ALX4: variants seen among roughly 807,000 people sequenced by gnomAD.
The protein encoded by ALX4 is homeobox protein aristaless-like 4.
A neutral mutation model predicts 40.6 loss-of-function variants in ALX4; 22 were observed. The observed-to-expected ratio is 0.54, with a 90% CI of 0.39 to 0.77. The LOEUF (loss-of-function observed/expected upper bound fraction) is 0.77, where lower values mean the gene tolerates loss of function less well. Ranked by LOEUF, ALX4 falls within the 30% of genes least tolerant of loss-of-function variation. ALX4 has a pLI of 0.00. For missense variants in ALX4, 556 were observed against 564.8 expected, an observed-to-expected ratio of 0.98 and a Z score of 0.16; for synonymous variants, 266 against 240.5, an observed-to-expected ratio of 1.11 and a Z score of -0.98.
chr11:44,269,395 G>A (rs190999932), intron 2 of ALX4, among the ~76,000 whole-genome samples: 333 of 152,342 alleles, frequency 2.2e-3, no homozygotes, highest in Non-Finnish European at 4.0e-3. Flanking sequence ...GGTCAAGGAA[G>A]ATGGGGATGT....
At chr11:44,291,116 G>A (rs1312113849) in intron 1 of ALX4, among the ~76,000 whole-genome samples, 1 of 152,118 alleles carries the variant, frequency 6.6e-6, no homozygotes, top group Admixed American at 6.5e-5. Flanking sequence ...GTAGCTCCCA[G>A]GGTCCCTTTC....
At chr11:44,276,318 G>A (rs1395938907) in intron 1 of ALX4, among the ~76,000 whole-genome samples, 1 of 152,216 alleles carries the variant, frequency 6.6e-6, no homozygotes, top group Non-Finnish European at 1.5e-5. Flanking sequence ...GCATGGGATT[G>A]AGGCATGGGC....
intron 1 of ALX4, among the ~76,000 whole-genome samples, chr11:44,296,792 T>C (rs1224967126): frequency 6.6e-6 from 1 of 152,042 alleles, no homozygotes. Flanking sequence ...GTGGATCACC[T>C]GAGGTCAGGA....
chr11:44,276,477 C>T (rs1051017551), intron 1 of ALX4, among the ~76,000 whole-genome samples: 4 of 152,172 alleles, frequency 2.6e-5, no homozygotes, highest in East Asian at 1.9e-4. Flanking sequence ...CCCCACCCAC[C>T]GGCACATTCC....
At chr11:44,278,502 G>T (rs2135316504) in intron 1 of ALX4, among the ~76,000 whole-genome samples, 1 of 152,274 alleles carries the variant, frequency 6.6e-6, no homozygotes, top group Admixed American at 6.5e-5. Context: ...CGGCCTGGGG[G>T]CAGCCTCTCA....
intron 1 of ALX4, among the ~76,000 whole-genome samples, chr11:44,305,683 G>C (rs964199379): frequency 6.6e-6 from 1 of 152,258 alleles, no homozygotes. Context: ...TAACCACTGA[G>C]TCTAATTCGA....
At chr11:44,280,190 C>T (rs909691213) in intron 1 of ALX4, among the ~76,000 whole-genome samples, 4 of 152,168 alleles carry the variant, frequency 2.6e-5, no homozygotes, top group African/African-American at 9.7e-5. Flanking sequence ...GAAGAAAGAC[C>T]CAGACAGACC....
chr11:44,270,671 C>A (rs10769026), intron 2 of ALX4, among the ~76,000 whole-genome samples: 99,654 of 151,954 alleles, frequency 0.66, 33,219 homozygotes, highest in East Asian at 0.87. Context: ...CTGTGCCTCC[C>A]AGCTCTGCAC....
rs760091330 is a variant in ALX4, at chr11:44,263,673, G to A, written c.*1181C>T. Reference sequence around the variant, plus strand: ...GGGCAGCGATGACACTGACAGATATGGCAGGGAGGACAGTCAGTTTGAGGC... The same window carrying A: ...GGGCAGCGATGACACTGACAGATATAGCAGGGAGGACAGTCAGTTTGAGGC... On this transcript the variant is annotated 3_prime_UTR_variant, in exon 4 of 4. Coordinates refer to ENST00000652299, the MANE Select transcript of ALX4 (RefSeq NM_021926.4). The A allele has an allele frequency of 1.3e-5, 2 of 152,354 alleles. No individual in the cohort carries two copies. The highest frequency in any genetic ancestry group is 2.9e-5 in the Non-Finnish European group (2 of 68,114). 9.4% of individuals were successfully genotyped at this position (152,354 alleles called of 1,614,324 possible).
rs552547493 is a variant in ALX4 at position 44,278,159 on chromosome 11, T to C, written c.467-2501A>G. 5.9e-5 allele frequency among the ~76,000 whole-genome samples: 9 copies of C among 152,104 alleles called. No individual in the cohort carries two copies. The South Asian group carries it at 1.7e-3, about 28-fold the overall frequency. The stretch of plus-strand genomic sequence containing the variant: ...CCCCAGGCCCCATCTCACAGCCCCA[T>C]AGACGCTTGCTGGGGATTGGGACCA... On this transcript the variant is annotated intron_variant, in intron 1 of 3. Coordinates refer to ENST00000652299, the MANE Select transcript of ALX4 (RefSeq NM_021926.4).
Position 44,264,508 on chromosome 11 carries a change from G to A in ALX4, c.*346C>T. The A allele has an allele frequency of 2.9e-6, 1 of 342,126 alleles. No homozygotes were observed. The highest frequency in any genetic ancestry group is 6.0e-5 in the East Asian group (1 of 16,610). 21.2% of individuals were successfully genotyped at this position (342,126 alleles called of 1,614,324 possible). On this transcript the variant is annotated 3_prime_UTR_variant, in exon 4 of 4. Coordinates refer to ENST00000652299, the MANE Select transcript of ALX4 (RefSeq NM_021926.4). ...TGGGTCTGCATGGAAATCTAGCATT[G>A]ACTCATGGTCAACTAGGCAGAGCAG...
At chr11:44,294,459 G>A (rs189130058) in intron 1 of ALX4, among the ~76,000 whole-genome samples, 6 of 152,358 alleles carry the variant, frequency 3.9e-5, no homozygotes, top group East Asian at 3.9e-4. Flanking sequence ...AGCAGGGAGA[G>A]AGTTATTCCC....
chr11:44,281,549 T>C (rs1329386573), intron 1 of ALX4, among the ~76,000 whole-genome samples: 5 of 151,992 alleles, frequency 3.3e-5, no homozygotes, highest in Non-Finnish European at 7.4e-5. Flanking sequence ...TCGGGTGAGC[T>C]GGCCCCACAC....
intron 1 of ALX4, among the ~76,000 whole-genome samples, chr11:44,282,372 C>T (rs753163197): frequency 1.3e-5 from 2 of 152,132 alleles, no homozygotes; most frequent in African/African-American, 2.4e-5. Context: ...ATGGAGCACC[C>T]GGAACTCCCA....
rs1956179052 is a variant in ALX4 at position 44,261,000 on chromosome 11, G to A, written c.*3854C>T. 6.6e-6 allele frequency: 1 copy of A among 152,228 alleles called. No individual in the cohort carries two copies. Among genetic ancestry groups the A allele is most frequent in the South Asian group, 2.1e-4 (1 of 4,830 alleles). The allele number at this position is 152,228 out of a possible 1,614,324, so 9.4% of individuals were successfully genotyped here. ...TGTGTGTGAGTGAAGAGGGAAGAAA[G>A]GAGAGGCCGAGGTTAGGTCATGGAA... On this transcript the variant is annotated 3_prime_UTR_variant, in exon 4 of 4. Coordinates refer to ENST00000652299, the MANE Select transcript of ALX4 (RefSeq NM_021926.4).
At chr11:44,287,931 TTA>T (rs1397568854) in intron 1 of ALX4, among the ~76,000 whole-genome samples, 1 of 152,236 alleles carries the variant, frequency 6.6e-6, no homozygotes, top group Non-Finnish European at 1.5e-5. Flanking sequence ...ACTGAAGTAC[TTA>T]GAGGCAAAGA....
intron 1 of ALX4, among the ~76,000 whole-genome samples, chr11:44,295,218 C>A (rs1040473533): frequency 1.4e-4 from 22 of 152,096 alleles, no homozygotes; most frequent in African/African-American, 5.3e-4. Flanking sequence ...GATTCTTATC[C>A]CCACTTTACA....
At chr11:44,305,463 C>A (rs1956461076) in intron 1 of ALX4, among the ~76,000 whole-genome samples, 1 of 152,224 alleles carries the variant, frequency 6.6e-6, no homozygotes. Context: ...CAGTCCCAGG[C>A]TCGAGTTTTC....
At chr11:44,302,329 G>A (rs983203905) in intron 1 of ALX4, among the ~76,000 whole-genome samples, 2 of 152,142 alleles carry the variant, frequency 1.3e-5, no homozygotes, top group African/African-American at 4.8e-5. Context: ...CAGAGAGAAT[G>A]GGCACGGCAC....
Sources: allele counts gnomAD v4.1 joint callset (sites outside exome capture counted in the v4.1 genomes callset), GRCh38; gene constraint gnomAD v4.1.1; transcripts MANE v1.5; gene names NCBI Gene and HGNC (gene_info 2026-07-23, HGNC 2026-07-21).